PCDHGA1: variants seen among roughly 807,000 people sequenced by gnomAD.
PCDHGA1 encodes the protein protocadherin gamma subfamily A, 1.
PCDHGA1 carries 32 observed loss-of-function variants against 58.0 expected under a neutral mutation model. The ratio of observed to expected loss-of-function variants is 0.55; its 90% CI spans 0.42 to 0.74. The LOEUF is 0.74. Ranked by LOEUF, PCDHGA1 falls within the 30% of genes least tolerant of loss-of-function variation. The pLI is 0.00. For missense variants in PCDHGA1, 1,205 were observed against 1,182.3 expected (o/e 1.02, Z -0.28); for synonymous variants, 498 against 501.1 (o/e 0.99, Z 0.08).
At chr5:141,446,020 T>C (rs1226676321) in intron 1 of PCDHGA1, among the ~76,000 whole-genome samples, 1 of 152,180 alleles carries the variant, frequency 6.6e-6, no homozygotes, top group African/African-American at 2.4e-5. Context: ...ACTATGGCAA[T>C]ATTCCTGGTA....
At position 141,363,058 on chromosome 5, in the gene PCDHGA1, C is replaced by G. The variant is rs114390762; in HGVS notation, c.2421+29953C>G. On this transcript the variant is annotated intron_variant, in intron 1 of 3. Coordinates refer to ENST00000517417, the MANE Select transcript of PCDHGA1 (RefSeq NM_018912.3). ...GACTTGAAGACCAACACTCAGTAAG[C>G]TAAATGTCTTGGAATCACAAATGTA... Among the ~76,000 whole-genome samples the G allele has an allele frequency of 1.4e-3, 215 of 152,336 alleles. 2 individuals carry two copies. Among genetic ancestry groups the G allele is most frequent in the African/African-American group, 4.9e-3 (205 of 41,574 alleles).
intron 1 of PCDHGA1, among the ~76,000 whole-genome samples, chr5:141,429,629 C>G (rs2097230011): frequency 1.3e-5 from 2 of 152,160 alleles, no homozygotes; most frequent in Admixed American, 1.3e-4. Flanking sequence ...TATTTTCTCA[C>G]AGCTACCTAT....
rs1199756501 is a variant in PCDHGA1 at position 141,493,222 on chromosome 5, C to A, written c.2422-1585C>A. Among the ~76,000 whole-genome samples the A allele has an allele frequency of 6.6e-6, 1 of 152,194 alleles. No individual in the cohort carries two copies. Among genetic ancestry groups the A allele is most frequent in the East Asian group, 1.9e-4 (1 of 5,196 alleles). ...ACCTCATCTCATTTGCTCTTCCCAC[C>A]ATTGCTGTTGGCTAGGTACTAACAT... On this transcript the variant is annotated intron_variant, in intron 1 of 3. Coordinates refer to ENST00000517417, the MANE Select transcript of PCDHGA1 (RefSeq NM_018912.3). This position sits in a 1 kb window ranked among gnomAD's most constrained non-coding sequence, Gnocchi z 4.3.
intron 1 of PCDHGA1, chr5:141,413,132 A>C (rs1313665743): frequency 1.3e-6 from 2 of 1,542,144 alleles, no homozygotes; most frequent in Admixed American, 4.0e-5. Context: ...GAAACACACA[A>C]CGTGTCCAGT....
chr5:141,484,866 C>A (rs1474623432), intron 1 of PCDHGA1: 9 of 275,500 alleles, frequency 3.3e-5, no homozygotes, highest in Non-Finnish European at 5.5e-5. Context: ...GGTGGGGGAG[C>A]GTGGAGGATA....
At chr5:141,366,494 T>C (rs1764591738) in intron 1 of PCDHGA1, 2 of 1,614,234 alleles carry the variant, frequency 1.2e-6, no homozygotes. Context: ...CTGGCACAAG[T>C]CACGCCTGCT....
chr5:141,421,888 C>T (rs1387624358), intron 1 of PCDHGA1: 5 of 1,613,746 alleles, frequency 3.1e-6, no homozygotes. Flanking sequence ...TGGAGGCGAT[C>T]CCATCCGAAA....
chr5:141,477,344 A>C lies in PCDHGA1; in HGVS notation c.2422-17463A>C. On this transcript the variant is annotated intron_variant, in intron 1 of 3. Coordinates refer to ENST00000517417, the MANE Select transcript of PCDHGA1 (RefSeq NM_018912.3). The surrounding 1 kb of genome is among the most constrained non-coding windows in gnomAD (Gnocchi z 4.9). Reference sequence around the variant, plus strand: ...TTCCCTCAAGAATTACTTCACTTTGAAAACCAGTGCAGACCTGGATCGGGA... The same window carrying C: ...TTCCCTCAAGAATTACTTCACTTTGCAAACCAGTGCAGACCTGGATCGGGA... 6.2e-7 allele frequency: 1 copy of C among 1,614,154 alleles called. No homozygotes were observed. The highest frequency in any genetic ancestry group is 8.5e-7 in the Non-Finnish European group (1 of 1,180,034).
chr5:141,331,488 C>A lies in PCDHGA1; in HGVS notation c.804C>A (p.Asp268Glu), dbSNP rs765503222. The change falls in exon 1 of 4, where the codon GAC becomes GAA. Residue 268 changes from aspartate (D) to glutamate (E), a missense_variant. Transcript: ENST00000517417. ...AGCTGCTCATGGTAAATGCCACTGA[C>A]CCTGATGAGGGAGCCAATGGGGAAG... is the stretch of plus-strand genomic sequence containing the variant. Reference protein sequence around the residue: ...GTQLLMVNATDPDEGANGEVT... With the variant: ...GTQLLMVNATEPDEGANGEVT... The A allele has an allele frequency of 1.9e-6, 3 of 1,614,192 alleles. No individual in the cohort carries two copies. The highest frequency in any genetic ancestry group is 2.5e-6 in the Non-Finnish European group (3 of 1,180,048).
In PCDHGA1 at chr5:141,486,649, C is replaced by G; in HGVS notation, c.2422-8158C>G. On this transcript the variant is annotated intron_variant, in intron 1 of 3. Transcript: ENST00000517417. This position sits in a 1 kb window ranked among gnomAD's most constrained non-coding sequence, Gnocchi z 5.0. The stretch of plus-strand genomic sequence containing the variant: ...CTGGCTTGAATGCGCTTATCTCCTA[C>G]TCACTCCTGGAGCCCAGGAATCGAG... The G allele has an allele frequency of 6.2e-7, 1 of 1,613,952 alleles. No individual in the cohort carries two copies. The highest frequency in any genetic ancestry group is 8.5e-7 in the Non-Finnish European group (1 of 1,180,034).
intron 1 of PCDHGA1, chr5:141,352,330 G>A: frequency 6.2e-7 from 1 of 1,614,056 alleles, no homozygotes; most frequent in Non-Finnish European, 8.5e-7. Context: ...ACCTGGTTGT[G>A]GCCTTGGCCT....
rs778246278 is a variant in PCDHGA1 at position 141,491,522 on chromosome 5, A to C, written c.2422-3285A>C. The C allele has an allele frequency of 6.2e-6, 10 of 1,614,024 alleles. No individual in the cohort carries two copies. The highest frequency in any genetic ancestry group is 8.5e-6 in the Non-Finnish European group (10 of 1,180,002). ...TCGGACGGCACGCTCAAGTACATGGAGGTGACGCTGCGGCCCACAGACTCG... is the reference window on the plus strand; with the variant it reads ...TCGGACGGCACGCTCAAGTACATGGCGGTGACGCTGCGGCCCACAGACTCG... On this transcript the variant is annotated intron_variant, in intron 1 of 3. Coordinates refer to ENST00000517417, the MANE Select transcript of PCDHGA1 (RefSeq NM_018912.3). The surrounding 1 kb of genome is among the most constrained non-coding windows in gnomAD (Gnocchi z 6.9).
rs192747939 is a variant in PCDHGA1 at position 141,487,483 on chromosome 5, T to C, written c.2422-7324T>C. 12 of 1,614,224 alleles carry C rather than the reference T, an allele frequency of 7.4e-6. No individual in the cohort carries two copies. In the Admixed American group the frequency reaches 1.8e-4, roughly 25 times the overall value. On this transcript the variant is annotated intron_variant, in intron 1 of 3. Coordinates refer to ENST00000517417, the MANE Select transcript of PCDHGA1 (RefSeq NM_018912.3). This position sits in a 1 kb window ranked among gnomAD's most constrained non-coding sequence, Gnocchi z 5.0. ...TTGTTGATGTGGGAGGCCACTCTCA[T>C]GGCTGTACACCCTTGGCTTCTGCAC... is the stretch of plus-strand genomic sequence containing the variant.
chr5:141,414,791 G>A (rs375736950), intron 1 of PCDHGA1: 43 of 1,614,120 alleles, frequency 2.7e-5, no homozygotes, highest in Non-Finnish European at 3.3e-5. Context: ...GTGACAGCCA[G>A]CGACAGCGGG....
At position 141,351,851 on chromosome 5, in the gene PCDHGA1, A is replaced by C. The variant is rs543692676; in HGVS notation, c.2421+18746A>C. 681 of 1,612,924 alleles carry C rather than the reference A, an allele frequency of 4.2e-4. 6 individuals are homozygous for C. In the Middle Eastern group the frequency reaches 7.3e-3, roughly 17 times the overall value. On this transcript the variant is annotated intron_variant, in intron 1 of 3. Transcript: ENST00000517417. The stretch of plus-strand genomic sequence containing the variant: ...CGCCTTCGAGCTCACACTGCAGGCC[A>C]GGGACCAGGGCTCCCCCGCGCTCAG...
At chr5:141,415,638 T>G in intron 1 of PCDHGA1, 1 of 1,598,954 alleles carries the variant, frequency 6.3e-7, no homozygotes, top group Non-Finnish European at 8.5e-7. Flanking sequence ...TTTTTACTTT[T>G]GTTAAAAAAA....
chr5:141,366,362 A>G (rs768343198), intron 1 of PCDHGA1: 1 of 1,613,968 alleles, frequency 6.2e-7, no homozygotes, highest in Non-Finnish European at 8.5e-7. Context: ...CCTAGGCAGT[A>G]TCAAGACCCC....
At chr5:141,368,943 C>G (rs1765943914) in intron 1 of PCDHGA1, among the ~76,000 whole-genome samples, 1 of 152,178 alleles carries the variant, frequency 6.6e-6, no homozygotes, top group South Asian at 2.1e-4. Context: ...ATTCTGGTTA[C>G]TGTGAGTAGT....
At chr5:141,414,733 G>A (rs768741206) in intron 1 of PCDHGA1, 2 of 1,614,174 alleles carry the variant, frequency 1.2e-6, no homozygotes. Flanking sequence ...CGTCCTGTAT[G>A]CACTCAGATC....
Sources: gnomAD v4.1 joint callset for allele counts (sites outside exome capture counted in the v4.1 genomes callset) on GRCh38, gnomAD v4.1.1 for gene constraint, Gnocchi (gnomAD v3.1) non-coding constraint, MANE v1.5 for transcripts, NCBI Gene and HGNC (gene_info 2026-07-23, HGNC 2026-07-21) for gene names.